Variants in EYS observed in about 807,000 individuals in gnomAD.
EYS encodes EGF-like photoreceptor maintenance factor, also known as protein eyes shut homolog.
A neutral mutation model predicts 282.1 loss-of-function variants in EYS; 250 were observed. That is an observed-to-expected ratio of 0.89 (90% confidence interval 0.80 to 0.98). The LOEUF is 0.98. Among genes scored for constraint, EYS ranks in the 50% least tolerant of loss-of-function variants. EYS has a pLI of 0.00. For synonymous variants in EYS, 1,355 were observed against 1,282.9 expected (o/e 1.06, Z -1.20); for missense variants, 4,016 against 3,709.0 (o/e 1.08, Z -2.15).
intron 11 of EYS, among the ~76,000 whole-genome samples, chr6:65,323,572 T>C (rs1582141452): frequency 6.9e-6 from 1 of 145,530 alleles, no homozygotes; most frequent in Non-Finnish European, 1.5e-5. Flanking sequence ...TACCGTGATT[T>C]TATGAGATTG....
intron 28 of EYS, among the ~76,000 whole-genome samples, chr6:64,413,154 A>T (rs1773956231): frequency 6.6e-6 from 1 of 152,096 alleles, no homozygotes; most frequent in Non-Finnish European, 1.5e-5. Flanking sequence ...TCTCCCTTAA[A>T]GGAGATTAGA....
chr6:64,803,380 TG>T (rs1312767096), intron 22 of EYS, among the ~76,000 whole-genome samples: 1 of 143,718 alleles, frequency 7.0e-6, no homozygotes, highest in Non-Finnish European at 1.5e-5. Context: ...GGTGTGTGTG[TG>T]GGGGGGTTGG....
At chr6:64,579,113 C>T (rs772873122) in intron 26 of EYS, among the ~76,000 whole-genome samples, 15 of 152,156 alleles carry the variant, frequency 9.9e-5, no homozygotes, top group South Asian at 2.1e-4. Flanking sequence ...TACCCATGGG[C>T]GAAAGAATGT....
chr6:64,024,280 A>C (rs966448115), intron 33 of EYS, among the ~76,000 whole-genome samples: 1 of 152,042 alleles, frequency 6.6e-6, no homozygotes, highest in Non-Finnish European at 1.5e-5. Context: ...TGTCTAGCTC[A>C]GGGTTTGTGA....
chr6:64,928,094 T>C (rs1192266193), intron 15 of EYS, among the ~76,000 whole-genome samples: 1 of 152,048 alleles, frequency 6.6e-6, no homozygotes, highest in African/African-American at 2.4e-5. Context: ...ATCTTTGCAT[T>C]TTATTATGTG....
chr6:65,228,281 G>A (rs1296861659), intron 12 of EYS, among the ~76,000 whole-genome samples: 3 of 151,894 alleles, frequency 2.0e-5, no homozygotes, highest in Non-Finnish European at 4.4e-5. Flanking sequence ...ATTGACTAAT[G>A]ACATAATTGT....
intron 29 of EYS, among the ~76,000 whole-genome samples, chr6:64,318,333 T>A (rs1045076161): frequency 1.3e-5 from 2 of 152,048 alleles, no homozygotes; most frequent in African/African-American, 4.8e-5. Flanking sequence ...TCTCATTCCT[T>A]TAAAGAAAGT....
chr6:64,893,795 C>CAT (rs373634109), intron 18 of EYS, among the ~76,000 whole-genome samples: 16 of 149,748 alleles, frequency 1.1e-4, no homozygotes, highest in East Asian at 5.9e-4. Context: ...TTTGATCTGT[C>CAT]ATATATATAT....
intron 35 of EYS, among the ~76,000 whole-genome samples, chr6:63,903,812 A>T (rs1230705355): frequency 6.6e-6 from 1 of 152,228 alleles, no homozygotes; most frequent in Admixed American, 6.5e-5. Context: ...AGAAATAGCT[A>T]TCAGGTGAGG....
chr6:64,947,360 G>T (rs557633793), intron 14 of EYS, among the ~76,000 whole-genome samples: 1 of 151,856 alleles, frequency 6.6e-6, no homozygotes, highest in Non-Finnish European at 1.5e-5. Context: ...CAGTTTAAAT[G>T]TATAAGAAGT....
chr6:64,516,408 A>G (rs1336257737), intron 26 of EYS, among the ~76,000 whole-genome samples: 2 of 151,800 alleles, frequency 1.3e-5, no homozygotes, highest in African/African-American at 4.8e-5. Flanking sequence ...ACACAAGTTT[A>G]CCCGTGTAAC....
intron 31 of EYS, among the ~76,000 whole-genome samples, chr6:64,180,386 C>T (rs1404793394): frequency 2.6e-5 from 4 of 152,080 alleles, no homozygotes; most frequent in Non-Finnish European, 5.9e-5. Flanking sequence ...CACCTACTAC[C>T]GACCAAAAAT....
At chr6:65,403,901 C>T (rs1381719516) in intron 6 of EYS, among the ~76,000 whole-genome samples, 2 of 151,890 alleles carry the variant, frequency 1.3e-5, no homozygotes, top group African/African-American at 4.8e-5. Context: ...ATTAATAGTT[C>T]TTGATAGATT....
chr6:63,787,659 T>C (rs562793250), intron 39 of EYS, among the ~76,000 whole-genome samples: 1 of 152,184 alleles, frequency 6.6e-6, no homozygotes, highest in Admixed American at 6.5e-5. Context: ...GGTCAATAAA[T>C]AGTAAATGAG....
chr6:64,449,304 GA>G (rs981620700), intron 26 of EYS, among the ~76,000 whole-genome samples: 166 of 150,610 alleles, frequency 1.1e-3, no homozygotes, highest in African/African-American at 3.2e-3. Context: ...AAAGGTTAGA[GA>G]AAAAAAAATA....
intron 22 of EYS, among the ~76,000 whole-genome samples, chr6:64,781,256 T>C (rs1317445411): frequency 6.6e-6 from 1 of 152,176 alleles, no homozygotes; most frequent in African/African-American, 2.4e-5. Flanking sequence ...TTCATACTGA[T>C]AAGCTAGCCC....
intron 22 of EYS, among the ~76,000 whole-genome samples, chr6:64,752,734 A>G (rs780797376): frequency 2.0e-5 from 3 of 152,180 alleles, no homozygotes; most frequent in Non-Finnish European, 2.9e-5. Flanking sequence ...ATGAAGGAAA[A>G]AAAATACTAA....
chr6:65,650,844 A>G (rs534146142), intron 1 of EYS, among the ~76,000 whole-genome samples: 3 of 152,240 alleles, frequency 2.0e-5, no homozygotes, highest in East Asian at 3.9e-4. Context: ...CAGATCCTAC[A>G]TATCTAGGAG....
At chr6:64,266,297 T>A (rs552152706) in intron 30 of EYS, among the ~76,000 whole-genome samples, 1 of 152,172 alleles carries the variant, frequency 6.6e-6, no homozygotes, top group African/African-American at 2.4e-5. Flanking sequence ...ACATGGGTAA[T>A]ACCTAAGCAA....
Sources: allele counts gnomAD v4.1 joint callset (sites outside exome capture counted in the v4.1 genomes callset), GRCh38; gene constraint gnomAD v4.1.1; transcripts MANE v1.5; gene names NCBI Gene and HGNC (gene_info 2026-07-23, HGNC 2026-07-21).